The following ABLIM2 variants were observed in gnomAD, a reference collection of about 807,000 sequenced individuals.
ABLIM2 encodes the protein actin-binding LIM protein 2.
Under a neutral mutation model 97.7 loss-of-function variants are expected in ABLIM2, and 53 were observed. That is an observed-to-expected ratio of 0.54 (90% CI 0.44 to 0.68). The LOEUF (loss-of-function observed/expected upper bound fraction) is 0.68, where lower values mean the gene tolerates loss of function less well. Ranked by LOEUF, ABLIM2 falls within the 30% of genes least tolerant of loss-of-function variation. The probability of loss-of-function intolerance (pLI) is 0.00; values close to 1 mark genes in which losing one functional copy is unlikely to be tolerated. For missense variants in ABLIM2, 835 were observed against 867.2 expected (o/e 0.96, Z 0.47); for synonymous variants, 361 against 345.8 (o/e 1.04, Z -0.49).
chr4:8,138,240 TG>T (rs1257529544), intron 1 of ABLIM2, among the ~76,000 whole-genome samples: 1 of 152,186 alleles, frequency 6.6e-6, no homozygotes, highest in African/African-American at 2.4e-5. Flanking sequence ...TAGACAGTGA[TG>T]ATGGCTACAT....
chr4:8,066,412 A>G lies in ABLIM2; in HGVS notation c.676-5358T>C, dbSNP rs1220620367. On this transcript the variant is annotated intron_variant, in intron 6 of 20. Transcript: ENST00000447017. ...AAGGAAGGAAGGAAGGAAGGAAGGA[A>G]GGAAGGAAGGAAGGAAGGGAGGGGT... 1.5e-3 allele frequency: 195 copies of G among 132,042 alleles called. 6 individuals are homozygous for G. The highest frequency in any genetic ancestry group is 1.8e-3 in the Non-Finnish European group (106 of 60,460). 8.2% of individuals were successfully genotyped at this position (132,042 alleles called of 1,614,324 possible).
Position 8,007,268 on chromosome 4 carries a change from G to A in ABLIM2, c.1618+791C>T, listed in dbSNP as rs569990737. 5.1e-6 allele frequency: 5 copies of A among 985,300 alleles called. No individual in the cohort carries two copies. In the South Asian group the frequency reaches 1.4e-4, roughly 28 times the overall value. The allele number at this position is 985,300 out of a possible 1,614,324, so 61.0% of individuals were successfully genotyped here. A position where few individuals can be genotyped will look rare whatever the true frequency, so the allele number is the denominator to read the frequency against. On this transcript the variant is annotated intron_variant, in intron 16 of 20. Coordinates refer to ENST00000447017, the MANE Select transcript of ABLIM2 (RefSeq NM_001130083.2). ...TCCTAACACCTGGCGCCCATCACAC[G>A]ACGGGTCAGTGGTGAGCTCAGATTT...
At chr4:8,052,019 T>G (rs992892938) in intron 8 of ABLIM2, among the ~76,000 whole-genome samples, 1 of 152,228 alleles carries the variant, frequency 6.6e-6, no homozygotes. Context: ...TCTTTCTCTC[T>G]ACCAGGGAGC....
intron 5 of ABLIM2, among the ~76,000 whole-genome samples, chr4:8,078,182 G>A (rs1185295333): frequency 6.6e-6 from 1 of 152,212 alleles, no homozygotes; most frequent in Non-Finnish European, 1.5e-5. Context: ...GGTAGGTTAG[G>A]ACAAGACTTT....
intron 1 of ABLIM2, among the ~76,000 whole-genome samples, chr4:8,137,664 A>G (rs548090392): frequency 2.5e-3 from 386 of 152,356 alleles, no homozygotes; most frequent in African/African-American, 9.1e-3. Context: ...TCGCTCCCTG[A>G]GCACAGGGCT....
rs769026385 is a variant in ABLIM2, at chr4:8,005,475, T to G, written c.1618+2584A>C. The G allele has an allele frequency of 2.3e-5, 12 of 529,462 alleles. No homozygotes were observed. Among genetic ancestry groups the G allele is most frequent in the Non-Finnish European group, 4.2e-5 (11 of 259,622 alleles). 32.8% of individuals were successfully genotyped at this position (529,462 alleles called of 1,614,324 possible). On this transcript the variant is annotated intron_variant, in intron 16 of 20. Transcript: ENST00000447017. The surrounding 1 kb of genome is among the most constrained non-coding windows in gnomAD (Gnocchi z 4.9). The stretch of plus-strand genomic sequence containing the variant: ...TGCTGTGTGCAAATGCTTTGTTCAG[T>G]AAAAGCTGTGTGCAAATGGAACTGG...
chr4:8,063,926 A>G (rs1387016421), intron 6 of ABLIM2, among the ~76,000 whole-genome samples: 2 of 152,150 alleles, frequency 1.3e-5, no homozygotes, highest in Non-Finnish European at 2.9e-5. Context: ...GGAATAAGTT[A>G]CCTTCCTAGT....
rs1457444064 is a variant in ABLIM2, at chr4:8,050,667, C to T, written c.822+3521G>A. On this transcript the variant is annotated intron_variant, in intron 8 of 20. Coordinates refer to ENST00000447017, the MANE Select transcript of ABLIM2 (RefSeq NM_001130083.2). ...TTCTGCATATTCTCTCCTTAACTGG[C>T]TTGCACCTGACGGAACAAAACAGAG... Among the ~76,000 whole-genome samples the T allele has an allele frequency of 2.0e-5, 3 of 152,216 alleles. No homozygotes were observed. In the East Asian group the frequency reaches 5.8e-4, roughly 29 times the overall value.
chr4:8,077,703 G>A lies in ABLIM2; in HGVS notation c.600C>T (p.Cys200=), dbSNP rs202123060. 2.8e-3 allele frequency: 4,498 copies of A among 1,612,326 alleles called. 19 individuals are homozygous for A. Among genetic ancestry groups the A allele is most frequent in the Non-Finnish European group, 3.4e-3 (4,056 of 1,179,108 alleles). ...EYISKDGLPY[C]EADYHAKFGI... is the part of the protein sequence containing the mutation. ...CGAACTTGGCGTGATAGTCAGCTTCGCAGTAGGGCAGCCCATCCCTGCAAT... is the reference window on the plus strand; with the variant it reads ...CGAACTTGGCGTGATAGTCAGCTTCACAGTAGGGCAGCCCATCCCTGCAAT... The change falls in exon 6 of 21, where the codon TGC becomes TGT. Residue 200 remains cysteine, a synonymous_variant. Coordinates refer to ENST00000447017, the MANE Select transcript of ABLIM2 (RefSeq NM_001130083.2).
intron 12 of ABLIM2, among the ~76,000 whole-genome samples, chr4:8,024,647 C>G (rs546728909): frequency 1.3e-5 from 2 of 152,198 alleles, no homozygotes; most frequent in Non-Finnish European, 2.9e-5. Flanking sequence ...CAGGCACCTT[C>G]GTGTGGCCTC....
intron 17 of ABLIM2, among the ~76,000 whole-genome samples, chr4:7,985,493 T>C (rs1743117168): frequency 6.6e-6 from 1 of 152,136 alleles, no homozygotes; most frequent in Non-Finnish European, 1.5e-5. Flanking sequence ...TTCTCAGAGC[T>C]ACGCGGACGC....
At chr4:8,092,625 GTCC>G (rs919174888) in intron 3 of ABLIM2, among the ~76,000 whole-genome samples, 5 of 151,880 alleles carry the variant, frequency 3.3e-5, no homozygotes, top group Non-Finnish European at 5.9e-5. Context: ...CTGCCTCATG[GTCC>G]TCCTCCTCCT....
At chr4:7,977,510 G>A (rs1378029683) in intron 20 of ABLIM2, among the ~76,000 whole-genome samples, 2 of 152,206 alleles carry the variant, frequency 1.3e-5, no homozygotes, top group Non-Finnish European at 2.9e-5. Context: ...GGTAGGGTAG[G>A]CCGGTGTGGT....
rs749479738 is a variant in ABLIM2, at chr4:8,130,069, G to C, written c.11-23432C>G. Among the ~76,000 whole-genome samples, 2 of 152,184 alleles carry C rather than the reference G, an allele frequency of 1.3e-5. No individual in the cohort carries two copies. The highest frequency in any genetic ancestry group is 2.9e-5 in the Non-Finnish European group (2 of 68,030). On this transcript the variant is annotated intron_variant, in intron 1 of 20. Coordinates refer to ENST00000447017, the MANE Select transcript of ABLIM2 (RefSeq NM_001130083.2). The surrounding 1 kb of genome is among the most constrained non-coding windows in gnomAD (Gnocchi z 4.2). The stretch of plus-strand genomic sequence containing the variant: ...CGGAGAAGGAGCCTCAGATTCCCCT[G>C]GCCTCCAGCCTGCTGTTCACCCCTA...
rs368171276 is a variant in ABLIM2 at position 8,021,170 on chromosome 4, CA to C, written c.1268-868del. Among the ~76,000 whole-genome samples the C allele has an allele frequency of 3.3e-4, 51 of 152,246 alleles. No homozygotes were observed. Among genetic ancestry groups the C allele is most frequent in the African/African-American group, 1.1e-3 (45 of 41,532 alleles). On this transcript the variant is annotated intron_variant, in intron 12 of 20. Coordinates refer to ENST00000447017, the MANE Select transcript of ABLIM2 (RefSeq NM_001130083.2). This position sits in a 1 kb window ranked among gnomAD's most constrained non-coding sequence, Gnocchi z 5.5. ...CGCACCCTGGCCACATTCTTAAATACAACTGCTTTTTGGCAAATTAAATGGA... is the reference window on the plus strand; with the variant it reads ...CGCACCCTGGCCACATTCTTAAATACACTGCTTTTTGGCAAATTAAATGGA...
intron 8 of ABLIM2, among the ~76,000 whole-genome samples, chr4:8,052,525 C>T (rs910319110): frequency 2.0e-5 from 3 of 152,242 alleles, no homozygotes; most frequent in Non-Finnish European, 4.4e-5. Flanking sequence ...TCTTCTGCCA[C>T]TGTGGAAGGC....
intron 6 of ABLIM2, among the ~76,000 whole-genome samples, chr4:8,063,629 CAG>C (rs1408893510): frequency 1.3e-5 from 2 of 152,220 alleles, no homozygotes; most frequent in Non-Finnish European, 2.9e-5. Context: ...AGCCCATGCC[CAG>C]GCCTGGCAGG....
intron 9 of ABLIM2, among the ~76,000 whole-genome samples, chr4:8,039,281 G>T (rs1243936794): frequency 6.6e-6 from 1 of 152,170 alleles, no homozygotes; most frequent in Non-Finnish European, 1.5e-5. Context: ...TCCAAGCAGC[G>T]ATGATCACAG....
At chr4:7,976,268 C>G (rs974577495) in intron 20 of ABLIM2, among the ~76,000 whole-genome samples, 1 of 152,152 alleles carries the variant, frequency 6.6e-6, no homozygotes, top group African/African-American at 2.4e-5. Flanking sequence ...CAAGTTCCGC[C>G]CCTTCGACTT....
Sources: gnomAD v4.1 joint callset for allele counts (sites outside exome capture counted in the v4.1 genomes callset) on GRCh38, gnomAD v4.1.1 for gene constraint, Gnocchi (gnomAD v3.1) non-coding constraint, MANE v1.5 for transcripts, NCBI Gene and HGNC (gene_info 2026-07-23, HGNC 2026-07-21) for gene names.